The following MROH2B variants were observed in gnomAD, a reference collection of about 807,000 sequenced individuals.
MROH2B encodes maestro heat-like repeat-containing protein family member 2B.
Under a neutral mutation model 208.6 loss-of-function variants are expected in MROH2B, and 177 were observed. That is an observed-to-expected ratio of 0.85 (90% CI 0.75 to 0.96). MROH2B has a LOEUF of 0.96. Among genes scored for constraint, MROH2B ranks in the 40% least tolerant of loss-of-function variants. MROH2B has a pLI of 0.00. For missense variants in MROH2B, 2,002 were observed against 1,878.7 expected, an observed-to-expected ratio of 1.07 and a Z score of -1.21; for synonymous variants, 728 against 659.0, an observed-to-expected ratio of 1.10 and a Z score of -1.60.
intron 1 of MROH2B, 78 bp downstream of exon 1, chr5:41,070,747 C>A: frequency 1.4e-6 from 2 of 1,465,560 alleles, no homozygotes; most frequent in Non-Finnish European, 1.9e-6. Context: ...CCACTCCCAG[C>A]CCTCATATAT....
At chr5:41,000,933 G>A (rs539319564) in intron 37 of MROH2B, 100 bp from the exon 38 acceptor site, 2 of 1,334,534 alleles carry the variant, frequency 1.5e-6, no homozygotes, top group Non-Finnish European at 2.0e-6. Flanking sequence ...TTCAGCAAAA[G>A]AAGGCTGGAA....
intron 5 of MROH2B, among the ~76,000 whole-genome samples, 183 bp from the exon 6 acceptor site, chr5:41,061,907 C>T (rs1042246940): frequency 4.6e-5 from 7 of 152,274 alleles, no homozygotes; most frequent in Middle Eastern, 3.4e-3. Flanking sequence ...AAATTAAAAG[C>T]ATAATGAGCC....
chr5:41,003,251 A>C (rs1398078429), intron 37 of MROH2B, among the ~76,000 whole-genome samples: 1 of 152,170 alleles, frequency 6.6e-6, no homozygotes, highest in African/African-American at 2.4e-5. Flanking sequence ...GTGAGCCACC[A>C]TGCCTGGCCT....
Position 41,065,404 on chromosome 5 carries a change from T to C in MROH2B, c.288A>G (p.Gln96=). The C allele has an allele frequency of 1.2e-6, 2 of 1,613,476 alleles. No individual in the cohort carries two copies. Among genetic ancestry groups the C allele is most frequent in the South Asian group, 2.2e-5 (2 of 91,036 alleles). ...HDFNSVMYEV[Q]SNFRILELPD... ...GTAGCTCTAAGATCCTGAAGTTACT[T>C]TGTACTTCATACATCACAGAGTTGA... Residue 96 remains glutamine, a synonymous_variant, in exon 4 of 42, where the codon CAA becomes CAG. Coordinates refer to ENST00000399564, the MANE Select transcript of MROH2B (RefSeq NM_173489.5).
chr5:41,043,020 C>T (rs1309517511), intron 18 of MROH2B, among the ~76,000 whole-genome samples: 1 of 152,222 alleles, frequency 6.6e-6, no homozygotes, highest in African/African-American at 2.4e-5. Flanking sequence ...AGAGACAAAA[C>T]TGGCTAATTG....
intron 19 of MROH2B, among the ~76,000 whole-genome samples, chr5:41,040,661 CA>C (rs1397717701): frequency 6.6e-6 from 1 of 151,976 alleles, no homozygotes; most frequent in East Asian, 1.9e-4. Flanking sequence ...TTGGACGTCA[CA>C]ATTTTTATTT....
At chr5:41,012,164 A>G (rs1021193449) in intron 30 of MROH2B, among the ~76,000 whole-genome samples, 2 of 152,180 alleles carry the variant, frequency 1.3e-5, no homozygotes, top group Non-Finnish European at 2.9e-5. Context: ...TTATCAGACA[A>G]TGAACACTAT....
chr5:41,039,412 C>T (rs779749862), intron 20 of MROH2B, 36 bp downstream of exon 20: 1 of 1,286,450 alleles, frequency 7.8e-7, no homozygotes, highest in Non-Finnish European at 1.1e-6. Flanking sequence ...TCTGGCCTTG[C>T]AATACTGAGA....
intron 12 of MROH2B, among the ~76,000 whole-genome samples, chr5:41,052,143 C>T (rs1294598915): frequency 6.7e-6 from 1 of 149,496 alleles, no homozygotes; most frequent in African/African-American, 2.5e-5. Flanking sequence ...CTTTTGGTGG[C>T]TGGGTTAACT....
chr5:41,049,423 C>T lies in MROH2B; in HGVS notation c.1358G>A (p.Arg453Lys). ...TGCAGGTACCACAAAAGTCAGGATCCTTGGCCATAGCACCTGTGGAAAACA... is the reference window on the plus strand; with the variant it reads ...TGCAGGTACCACAAAAGTCAGGATCTTTGGCCATAGCACCTGTGGAAAACA... ...VIGMPQVLWP[R>K]ILTFVVPAEY... The change falls in exon 14 of 42, where the codon AGG becomes AAG. Residue 453 changes from arginine to lysine, a missense_variant. Physicochemically the swap from Arg to Lys is conservative, Grantham distance 26. Transcript: ENST00000399564. The T allele has an allele frequency of 6.2e-7, 1 of 1,612,200 alleles. No homozygotes were observed. The highest frequency in any genetic ancestry group is 8.5e-7 in the Non-Finnish European group (1 of 1,179,326).
chr5:41,061,497 T>C, intron 6 of MROH2B, 73 bp downstream of exon 6: 1 of 1,286,486 alleles, frequency 7.8e-7, no homozygotes, highest in Non-Finnish European at 1.0e-6. Context: ...CTAATTATCA[T>C]GTCACAAAGA....
chr5:41,015,839 C>T (rs1741931362), intron 28 of MROH2B, among the ~76,000 whole-genome samples: 1 of 152,212 alleles, frequency 6.6e-6, no homozygotes, highest in Non-Finnish European at 1.5e-5. Context: ...CAGGTTCCAA[C>T]TACTCTGCTA....
rs901437773 is a variant in MROH2B, at chr5:41,007,672, T to C, written c.3609-218A>G. ...CAGTAAGTAATGCCACAAAATCTTG[T>C]CAACACTCCCCCCATAAGAAAAAAT... On this transcript the variant is annotated intron_variant, in intron 33 of 41. Coordinates refer to ENST00000399564, the MANE Select transcript of MROH2B (RefSeq NM_173489.5). Among the ~76,000 whole-genome samples the C allele has an allele frequency of 3.9e-5, 6 of 152,000 alleles. No homozygotes were observed. In the East Asian group the frequency reaches 1.2e-3, roughly 29 times the overall value.
At chr5:41,062,200 T>C (rs977992049) in intron 5 of MROH2B, among the ~76,000 whole-genome samples, 6 of 152,190 alleles carry the variant, frequency 3.9e-5, no homozygotes, top group Non-Finnish European at 8.8e-5. Context: ...AAACAGAATA[T>C]AGCATAAATA....
intron 18 of MROH2B, among the ~76,000 whole-genome samples, chr5:41,044,249 C>CA (rs35282921): frequency 0.032 from 4,084 of 129,162 alleles, 140 homozygotes; most frequent in Admixed American, 0.1. Context: ...GACTCCATCT[C>CA]AAAAAAAAAA....
In MROH2B at chr5:41,002,753, A is replaced by G. The variant is rs1006265710; in HGVS notation, c.4194+1593T>C. ...TCCTTCTCTGATGACACTGGGCAAC[A>G]TTATCTTGACCACTAAATTGTTAAG... is the stretch of plus-strand genomic sequence containing the variant. On this transcript the variant is annotated intron_variant, in intron 37 of 41. Coordinates refer to ENST00000399564, the MANE Select transcript of MROH2B (RefSeq NM_173489.5). Among the ~76,000 whole-genome samples the G allele has an allele frequency of 1.1e-4, 17 of 152,162 alleles. 1 individual carries two copies. The highest frequency in any genetic ancestry group is 5.9e-4 in the Admixed American group (9 of 15,266).
chr5:41,005,620 C>T lies in MROH2B; in HGVS notation c.3775G>A (p.Val1259Ile). 6.2e-7 allele frequency: 1 copy of T among 1,611,984 alleles called. No homozygotes were observed. Among genetic ancestry groups the T allele is most frequent in the Non-Finnish European group, 8.5e-7 (1 of 1,179,114 alleles). ...AGCTGTTCCATGATGTCCAGTATGA[C>T]TCCGTGTTGCCACACTGCCATGCTC... ...ARSMAVWQHGVILDIMEQLLS... is the reference protein window; with the variant it reads ...ARSMAVWQHGIILDIMEQLLS... Residue 1259 changes from valine to isoleucine, a missense_variant, in exon 35 of 42, where the codon GTC (valine) becomes ATC (isoleucine). Coordinates refer to ENST00000399564, the MANE Select transcript of MROH2B (RefSeq NM_173489.5).
chr5:41,048,623 C>T (rs1743195397), intron 15 of MROH2B, among the ~76,000 whole-genome samples, 158 bp from the exon 16 acceptor site: 1 of 152,128 alleles, frequency 6.6e-6, no homozygotes, highest in Non-Finnish European at 1.5e-5. Flanking sequence ...TAGAATGAAG[C>T]TAATACTTAG....
chr5:41,056,081 T>C (rs1743440486), intron 9 of MROH2B, among the ~76,000 whole-genome samples: 1 of 152,212 alleles, frequency 6.6e-6, no homozygotes, highest in Non-Finnish European at 1.5e-5. Context: ...TCTGTGAATG[T>C]GGCCTTATTT....
Sources: gnomAD v4.1 joint callset for allele counts (sites outside exome capture counted in the v4.1 genomes callset) on GRCh38, gnomAD v4.1.1 for gene constraint, MANE v1.5 for transcripts, NCBI Gene and HGNC (gene_info 2026-07-23, HGNC 2026-07-21) for gene names.